CNTNAP2: variants seen among roughly 807,000 people sequenced by gnomAD.
The protein encoded by CNTNAP2 is contactin associated protein 2.
In CNTNAP2, 98 loss-of-function variants were observed where a neutral mutation model predicts 155.2. The ratio of observed to expected loss-of-function variants is 0.63; its 90% confidence interval spans 0.54 to 0.75. The LOEUF (loss-of-function observed/expected upper bound fraction) is 0.75, where lower values mean the gene tolerates loss of function less well. CNTNAP2 is among the 30% of genes least tolerant of loss of function. The pLI, the probability that CNTNAP2 is intolerant of heterozygous loss-of-function variation, is 0.00. For missense variants in CNTNAP2, 1,727 were observed against 1,688.1 expected, an observed-to-expected ratio of 1.02 and a Z score of -0.40; for synonymous variants, 651 against 631.2, an observed-to-expected ratio of 1.03 and a Z score of -0.47.
intron 3 of CNTNAP2, among the ~76,000 whole-genome samples, chr7:147,026,738 C>T (rs1396311425): frequency 6.6e-6 from 1 of 151,488 alleles, no homozygotes; most frequent in Non-Finnish European, 1.5e-5. Context: ...CTGTTTTATT[C>T]TCAAAATAAG....
chr7:146,633,195 G>A (rs1799538387), intron 1 of CNTNAP2, among the ~76,000 whole-genome samples: 1 of 152,092 alleles, frequency 6.6e-6, no homozygotes, highest in Admixed American at 6.5e-5. Flanking sequence ...AGACTAGATG[G>A]ATTTCTAAAT....
chr7:146,477,895 T>C (rs537237732), intron 1 of CNTNAP2, among the ~76,000 whole-genome samples: 1 of 152,092 alleles, frequency 6.6e-6, no homozygotes, highest in South Asian at 2.1e-4. Flanking sequence ...ATAGCAGGTG[T>C]TAAATTATTG....
intron 1 of CNTNAP2, among the ~76,000 whole-genome samples, chr7:146,386,147 T>C (rs1563064340): frequency 6.6e-6 from 1 of 152,162 alleles, no homozygotes; most frequent in Non-Finnish European, 1.5e-5. Flanking sequence ...ATAAATAAAA[T>C]ATATTTACTA....
intron 15 of CNTNAP2, among the ~76,000 whole-genome samples, chr7:148,000,219 G>C (rs1362082242): frequency 2.6e-5 from 4 of 152,170 alleles, no homozygotes; most frequent in African/African-American, 9.7e-5. Context: ...GAGAGAGAAA[G>C]GGTTCTCCTC....
intron 1 of CNTNAP2, among the ~76,000 whole-genome samples, chr7:146,731,821 A>G (rs1801530596): frequency 6.6e-6 from 1 of 152,210 alleles, no homozygotes; most frequent in African/African-American, 2.4e-5. Flanking sequence ...CATAAGGCAC[A>G]GTGTCTAGAA....
At chr7:147,779,229 G>A (rs563922042) in intron 13 of CNTNAP2, among the ~76,000 whole-genome samples, 4 of 152,332 alleles carry the variant, frequency 2.6e-5, no homozygotes, top group African/African-American at 9.6e-5. Context: ...TGTTGGTGCT[G>A]CTAAGCGCAT....
At chr7:148,309,117 GTA>G (rs1411521644) in intron 21 of CNTNAP2, among the ~76,000 whole-genome samples, 10 of 152,136 alleles carry the variant, frequency 6.6e-5, no homozygotes, top group Non-Finnish European at 1.2e-4. Context: ...GGGTCAAATG[GTA>G]TTTCTGGTTC....
chr7:147,138,973 GA>G (rs879608003), intron 8 of CNTNAP2, among the ~76,000 whole-genome samples: 242 of 150,240 alleles, frequency 1.6e-3, no homozygotes, highest in Non-Finnish European at 2.7e-3. Context: ...AAATCGAAGA[GA>G]AAAAAAAATC....
Position 147,120,975 on chromosome 7 carries a change from G to C in CNTNAP2, c.755-4G>C. ...TTGTTTCTTTTTCACTTCTGTGTAC[G>C]CAGGAAGCAACCAGCTTGGCCCCAT... On this transcript the variant is annotated splice_polypyrimidine_tract_variant and splice_region_variant and intron_variant, in intron 5 of 23. Coordinates refer to ENST00000361727, the MANE Select transcript of CNTNAP2 (RefSeq NM_014141.6). 2 of 1,613,196 alleles carry C rather than the reference G, an allele frequency of 1.2e-6. No individual in the cohort carries two copies. The highest frequency in any genetic ancestry group is 8.5e-7 in the Non-Finnish European group (1 of 1,179,804).
intron 1 of CNTNAP2, among the ~76,000 whole-genome samples, chr7:146,395,952 T>C (rs1795620467): frequency 8.4e-6 from 1 of 118,350 alleles, no homozygotes; most frequent in South Asian, 2.2e-4. Flanking sequence ...TTAAGTTGCA[T>C]CATTCTGTAA....
chr7:147,840,896 GA>G (rs935705323), intron 13 of CNTNAP2, among the ~76,000 whole-genome samples: 3 of 148,244 alleles, frequency 2.0e-5, no homozygotes, highest in African/African-American at 4.9e-5. Flanking sequence ...ATGACTTTAT[GA>G]AAAAAAAAAT....
intron 1 of CNTNAP2, among the ~76,000 whole-genome samples, chr7:146,341,339 G>A (rs750977240): frequency 5.2e-4 from 79 of 152,066 alleles, no homozygotes; most frequent in Non-Finnish European, 8.5e-4. Flanking sequence ...TACATATCTC[G>A]AATCAAATTA....
chr7:148,191,089 AG>A (rs1387874134), intron 18 of CNTNAP2, among the ~76,000 whole-genome samples: 2 of 152,142 alleles, frequency 1.3e-5, no homozygotes, highest in African/African-American at 4.8e-5. Flanking sequence ...TCCCCCAAAA[AG>A]CATGCACTAG....
intron 13 of CNTNAP2, among the ~76,000 whole-genome samples, chr7:147,773,447 C>T (rs909675345): frequency 6.6e-6 from 1 of 151,942 alleles, no homozygotes; most frequent in Admixed American, 6.6e-5. Flanking sequence ...ACCAGCCCAG[C>T]CAACATGGTG....
At chr7:146,295,328 T>A (rs1200631760) in intron 1 of CNTNAP2, among the ~76,000 whole-genome samples, 1 of 130,102 alleles carries the variant, frequency 7.7e-6, no homozygotes. Context: ...TTTGGTTTGT[T>A]TTGCTTTTTG....
intron 14 of CNTNAP2, among the ~76,000 whole-genome samples, chr7:147,909,706 CT>C (rs1260838657): frequency 1.3e-5 from 2 of 152,176 alleles, no homozygotes; most frequent in Admixed American, 1.3e-4. Context: ...TGCAGCCTGA[CT>C]CAATGAGCTA....
intron 1 of CNTNAP2, among the ~76,000 whole-genome samples, chr7:146,138,974 C>A (rs1031943278): frequency 2.6e-5 from 4 of 152,060 alleles, no homozygotes; most frequent in Non-Finnish European, 4.4e-5. Context: ...ATAGTTAAGT[C>A]GAAAATGCAT....
Position 148,114,217 on chromosome 7 carries a change from G to T in CNTNAP2, c.2384-3901G>T, listed in dbSNP as rs1804415457. On this transcript the variant is annotated intron_variant, in intron 15 of 23. Transcript: ENST00000361727. ...TAGGGAGTTATAGAAATAAAGCCATGGATAAGGAGAATTATGGTGTGCTAG... is the reference window on the plus strand; with the variant it reads ...TAGGGAGTTATAGAAATAAAGCCATTGATAAGGAGAATTATGGTGTGCTAG... Among the ~76,000 whole-genome samples the T allele has an allele frequency of 2.0e-5, 3 of 152,194 alleles. No individual in the cohort carries two copies. The South Asian group carries it at 6.2e-4, about 31-fold the overall frequency.
intron 1 of CNTNAP2, among the ~76,000 whole-genome samples, chr7:146,731,784 T>G (rs1171522887): frequency 6.6e-6 from 1 of 152,208 alleles, no homozygotes; most frequent in Non-Finnish European, 1.5e-5. Context: ...GGGCATAGGT[T>G]TTGTTCTGCA....
Sources: gnomAD v4.1 joint callset for allele counts (sites outside exome capture counted in the v4.1 genomes callset) on GRCh38, gnomAD v4.1.1 for gene constraint, MANE v1.5 for transcripts, NCBI Gene and HGNC (gene_info 2026-07-23, HGNC 2026-07-21) for gene names.